TAF15: variants seen among roughly 807,000 people sequenced by gnomAD.
TAF15 encodes the protein TATA-box binding protein associated factor 15.
A neutral mutation model predicts 102.5 loss-of-function variants in TAF15; 37 were observed. The observed-to-expected ratio is 0.36, with a 90% CI of 0.28 to 0.47. The LOEUF is 0.47. Among genes scored for constraint, TAF15 ranks in the 20% least tolerant of loss-of-function variants. The pLI, the probability that TAF15 is intolerant of heterozygous loss-of-function variation, is 0.99. For synonymous variants in TAF15, 273 were observed against 259.2 expected, an observed-to-expected ratio of 1.05 and a Z score of -0.51; for missense variants, 652 against 760.7, an observed-to-expected ratio of 0.86 and a Z score of 1.68.
intron 8 of TAF15, 92 bp from the exon 9 acceptor site, chr17:35,834,474 A>G (rs2087446061): frequency 8.3e-7 from 1 of 1,200,442 alleles, no homozygotes; most frequent in East Asian, 2.4e-5. Context: ...GGAAGTATTG[A>G]CTTTTCATGC....
At chr17:35,829,308 T>C (rs1290567291) in intron 7 of TAF15, among the ~76,000 whole-genome samples, 1 of 151,514 alleles carries the variant, frequency 6.6e-6, no homozygotes, top group African/African-American at 2.4e-5. Flanking sequence ...TAGTTAGGTT[T>C]TTATTTTATT....
intron 12 of TAF15, 26 bp downstream of exon 12, chr17:35,842,485 T>G (rs1219112252): frequency 1.3e-6 from 2 of 1,559,756 alleles, no homozygotes; most frequent in African/African-American, 2.7e-5. Flanking sequence ...CGTACAGTCC[T>G]GGATACTATC....
chr17:35,837,796 C>T (rs1053835222), intron 10 of TAF15, among the ~76,000 whole-genome samples: 1 of 151,788 alleles, frequency 6.6e-6, no homozygotes, highest in African/African-American at 2.4e-5. Flanking sequence ...CACTGCACTC[C>T]AGCCTGGGCA....
intron 8 of TAF15, 66 bp downstream of exon 8, chr17:35,834,007 C>T: frequency 6.4e-7 from 1 of 1,558,130 alleles, no homozygotes; most frequent in East Asian, 2.2e-5. Context: ...CCACCAATAT[C>T]CCGCAGATGT....
chr17:35,839,268 G>A lies in TAF15; in HGVS notation c.913+715G>A, dbSNP rs150907860. ...TGTGTTCCAGCCTGGGCAACAGAGC[G>A]AGAACCTGTCTCCAAAAAAAAAAAC... On this transcript the variant is annotated intron_variant, in intron 11 of 15. Transcript: ENST00000605844. 1.9e-3 allele frequency among the ~76,000 whole-genome samples: 272 copies of A among 146,154 alleles called. 1 individual carries two copies. The highest frequency in any genetic ancestry group is 6.7e-3 in the African/African-American group (267 of 39,614).
intron 5 of TAF15, among the ~76,000 whole-genome samples, chr17:35,821,890 A>C (rs2087263090): frequency 6.6e-6 from 1 of 152,208 alleles, no homozygotes; most frequent in South Asian, 2.1e-4. Flanking sequence ...TCTAAGAGAA[A>C]AGATCTAAAA....
intron 7 of TAF15, among the ~76,000 whole-genome samples, chr17:35,829,655 A>AAAAG (rs1555617626): frequency 1.5e-5 from 2 of 135,552 alleles, no homozygotes; most frequent in African/African-American, 6.0e-5. Context: ...AAAAAAAAAA[A>AAAAG]AGAGAGAGAG....
intron 10 of TAF15, among the ~76,000 whole-genome samples, chr17:35,838,057 C>A (rs536537893): frequency 6.6e-6 from 1 of 152,168 alleles, no homozygotes; most frequent in South Asian, 2.1e-4. Context: ...GTGGCACTTG[C>A]TTGTAGTCCC....
chr17:35,810,603 T>C (rs889134501), intron 1 of TAF15: 2 of 152,210 alleles, frequency 1.3e-5, no homozygotes, highest in Non-Finnish European at 2.9e-5. Context: ...AGTTTTCTGC[T>C]GGAAATACAG....
chr17:35,834,039 CTGT>C (rs1395586902), intron 8 of TAF15, 98 bp downstream of exon 8: 3 of 1,250,652 alleles, frequency 2.4e-6, no homozygotes, highest in Non-Finnish European at 3.5e-6. Context: ...CTTTCTTACT[CTGT>C]TGAGGCTGGT....
intron 7 of TAF15, among the ~76,000 whole-genome samples, chr17:35,824,626 G>A (rs1598528809): frequency 6.6e-6 from 1 of 152,318 alleles, no homozygotes; most frequent in Middle Eastern, 3.4e-3. Flanking sequence ...AAAGTATTAG[G>A]AGGCAGTAAT....
chr17:35,839,980 GCATTAACT>G (rs2087524042), intron 11 of TAF15, among the ~76,000 whole-genome samples: 1 of 152,024 alleles, frequency 6.6e-6, no homozygotes, highest in Non-Finnish European at 1.5e-5. Context: ...AGCCTTACAC[GCATTAACT>G]CAATTTAATC....
intron 11 of TAF15, 85 bp downstream of exon 11, chr17:35,838,638 G>C: frequency 6.3e-7 from 1 of 1,591,194 alleles, no homozygotes; most frequent in Non-Finnish European, 8.6e-7. Flanking sequence ...GGGTGACAGT[G>C]ATTATATTCA....
chr17:35,826,565 T>C (rs2087330648), intron 7 of TAF15, among the ~76,000 whole-genome samples: 1 of 150,986 alleles, frequency 6.6e-6, no homozygotes, highest in Non-Finnish European at 1.5e-5. Flanking sequence ...ATAATTTTTT[T>C]TTTTTTTTTT....
At chr17:35,820,529 CTTT>C in intron 5 of TAF15, 92 bp downstream of exon 5, 17 of 959,636 alleles carry the variant, frequency 1.8e-5, no homozygotes, top group Admixed American at 2.8e-5. Flanking sequence ...TAGCTTTAAA[CTTT>C]TTTTTTTTTT....
intron 11 of TAF15, among the ~76,000 whole-genome samples, chr17:35,839,191 G>A (rs142452863): frequency 6.0e-5 from 9 of 150,346 alleles, no homozygotes; most frequent in Non-Finnish European, 1.0e-4. Flanking sequence ...TGAGGTGGGA[G>A]GATCACTTGG....
intron 2 of TAF15, among the ~76,000 whole-genome samples, chr17:35,819,094 CACCTCAG>C (rs1244318263): frequency 6.6e-6 from 1 of 152,120 alleles, no homozygotes; most frequent in East Asian, 1.9e-4. Context: ...CTCAGAATAG[CACCTCAG>C]ATATCTTGTC....
chr17:35,836,464 C>T (rs2087476310), intron 10 of TAF15, among the ~76,000 whole-genome samples: 1 of 152,140 alleles, frequency 6.6e-6, no homozygotes, highest in Non-Finnish European at 1.5e-5. Context: ...GCTTTAGCTT[C>T]CATCTTAGGA....
chr17:35,830,646 A>G (rs901729331), intron 7 of TAF15, among the ~76,000 whole-genome samples: 2 of 152,232 alleles, frequency 1.3e-5, no homozygotes, highest in African/African-American at 2.4e-5. Flanking sequence ...TAATTTTCTA[A>G]TAAGAAGAGA....
Sources: allele counts gnomAD v4.1 joint callset (sites outside exome capture counted in the v4.1 genomes callset), GRCh38; gene constraint gnomAD v4.1.1; transcripts MANE v1.5; gene names NCBI Gene and HGNC (gene_info 2026-07-23, HGNC 2026-07-21).